The following IL2RB variants were observed in gnomAD, a reference collection of about 807,000 sequenced individuals.
IL2RB encodes the protein interleukin-2 receptor subunit beta.
IL2RB carries 17 observed loss-of-function variants against 44.2 expected under a neutral mutation model. That is an observed-to-expected ratio of 0.38 (90% CI 0.26 to 0.58). The LOEUF is 0.58. IL2RB is among the 20% of genes least tolerant of loss of function. The pLI is 0.63. For missense variants in IL2RB, 624 were observed against 685.5 expected (o/e 0.91, Z 1.00); for synonymous variants, 286 against 297.9 (o/e 0.96, Z 0.41).
chr22:37,144,086 A>G lies in IL2RB; in HGVS notation c.87T>C (p.Asn29=). ...CTGTTCAGATGTCAGGGTCCTCACCATTCACCGCTGCAGATGCCCAAGAGG... is the reference window on the plus strand; with the variant it reads ...CTGTTCAGATGTCAGGGTCCTCACCGTTCACCGCTGCAGATGCCCAAGAGG... The part of the protein sequence containing the change: ...LATSWASAAV[N]GTSQFTCFYN... The change falls in exon 2 of 10, where the codon AAT becomes AAC. Residue 29 remains asparagine (N), a splice_region_variant and synonymous_variant. Coordinates refer to ENST00000216223, the MANE Select transcript of IL2RB (RefSeq NM_000878.5). 6.4e-7 allele frequency: 1 copy of G among 1,552,098 alleles called. No homozygotes were observed. Among genetic ancestry groups the G allele is most frequent in the Non-Finnish European group, 8.7e-7 (1 of 1,147,130 alleles).
At chr22:37,154,365 G>A (rs1442086003), upstream of IL2RB, among the ~76,000 whole-genome samples, 1 of 152,160 alleles carries the variant, frequency 6.6e-6, no homozygotes, top group African/African-American at 2.4e-5. Context: ...GGGAAACCTG[G>A]TGGAATGGGT....
chr22:37,169,068 G>A (rs1172970234), intron 1 of IL2RB, among the ~76,000 whole-genome samples: 2 of 152,148 alleles, frequency 1.3e-5, no homozygotes, highest in Admixed American at 6.5e-5. Context: ...TGTTTTCAGA[G>A]GGGTTCTTGC....
chr22:37,157,286 C>T (rs1373741949), intron 1 of IL2RB, among the ~76,000 whole-genome samples: 1 of 152,214 alleles, frequency 6.6e-6, no homozygotes, highest in Non-Finnish European at 1.5e-5. Context: ...GTCCCCAAGA[C>T]AGACTGTGGC....
intron 1 of IL2RB, among the ~76,000 whole-genome samples, chr22:37,167,532 C>T (rs1923126990): frequency 6.6e-6 from 1 of 152,250 alleles, no homozygotes. Context: ...GCCCCACTGC[C>T]CCTGGCTGTC....
At chr22:37,168,392 T>C (rs1397865033) in intron 1 of IL2RB, among the ~76,000 whole-genome samples, 1 of 151,992 alleles carries the variant, frequency 6.6e-6, no homozygotes, top group Non-Finnish European at 1.5e-5. Flanking sequence ...GCTGGAGCCA[T>C]AGGGGAGGCT....
rs556028542 is a variant in IL2RB at position 37,136,410 on chromosome 22, A to G, written c.538-17T>C. ...GGGGGCCTCCTGGGTCGGAGACAGG[A>G]CTGTCAGCGCCCACCTCACCTCCCA... On this transcript the variant is annotated splice_polypyrimidine_tract_variant and intron_variant, in intron 6 of 9. Transcript: ENST00000216223. The G allele has an allele frequency of 3.8e-6, 6 of 1,598,002 alleles. No individual in the cohort carries two copies. The highest frequency in any genetic ancestry group is 1.9e-4 in the Middle Eastern group (1 of 5,332).
intron 8 of IL2RB, among the ~76,000 whole-genome samples, chr22:37,133,862 C>T (rs3218359): frequency 4.3e-4 from 65 of 152,352 alleles, no homozygotes; most frequent in Non-Finnish European, 8.5e-4. Flanking sequence ...CCCCTGCACT[C>T]TGTTCCTGGA....
chr22:37,144,329 C>G, intron 1 of IL2RB, 124 bp from the exon 2 acceptor site: 1 of 1,259,126 alleles, frequency 7.9e-7, no homozygotes, highest in South Asian at 1.6e-5. Context: ...CCAGCTCAGT[C>G]CAGCCCCAGG....
At chr22:37,137,011 T>C (rs1921741286) in intron 6 of IL2RB, among the ~76,000 whole-genome samples, 1 of 152,186 alleles carries the variant, frequency 6.6e-6, no homozygotes, top group Non-Finnish European at 1.5e-5. Flanking sequence ...GTTTTCTTGA[T>C]GGAACTTATC....
rs908312992 is a variant in IL2RB at position 37,128,998 on chromosome 22, C to A, written c.904-150G>T. The A allele has an allele frequency of 1.6e-5, 15 of 961,116 alleles. No homozygotes were observed. The highest frequency in any genetic ancestry group is 1.9e-5 in the Non-Finnish European group (13 of 668,024). The allele number at this position is 961,116 out of a possible 1,614,324, so 59.5% of individuals were successfully genotyped here. A position where few individuals can be genotyped will look rare whatever the true frequency, so the allele number is the denominator to read the frequency against. On this transcript the variant is annotated intron_variant, in intron 9 of 9. Transcript: ENST00000216223. The surrounding 1 kb of genome is among the most constrained non-coding windows in gnomAD (Gnocchi z 4.5). Reference sequence around the variant, plus strand: ...CCAGGAAGCTCTCCCTGATTATAGCCCCGCACTCCCCCAACCCACCCACTG... The same window carrying A: ...CCAGGAAGCTCTCCCTGATTATAGCACCGCACTCCCCCAACCCACCCACTG...
At chr22:37,154,225 G>A (rs973897475), upstream of IL2RB, among the ~76,000 whole-genome samples, 5 of 152,204 alleles carry the variant, frequency 3.3e-5, no homozygotes, top group African/African-American at 4.8e-5. Flanking sequence ...GGATGGAGCC[G>A]GTTTGTTCTT....
intron 1 of IL2RB, among the ~76,000 whole-genome samples, chr22:37,149,241 G>A (rs1330697934): frequency 1.3e-5 from 2 of 152,202 alleles, no homozygotes; most frequent in African/African-American, 2.4e-5. Context: ...ATGCAGCCAA[G>A]GGAGGGACAA....
intron 9 of IL2RB, among the ~76,000 whole-genome samples, chr22:37,130,181 C>G (rs1192204655): frequency 1.3e-5 from 2 of 152,254 alleles, no homozygotes; most frequent in African/African-American, 4.8e-5. Context: ...AAGAGGGTCG[C>G]TGGCTGGGCA....
chr22:37,145,666 G>C (rs937810622), intron 1 of IL2RB, among the ~76,000 whole-genome samples: 1 of 152,040 alleles, frequency 6.6e-6, no homozygotes, highest in Non-Finnish European at 1.5e-5. Flanking sequence ...GGGGAGGCAG[G>C]GAGATGAGGA....
rs3218260 is a variant in IL2RB at position 37,147,316 on chromosome 22, T to C, written c.-34+2509A>G. Among the ~76,000 whole-genome samples, 683 of 152,334 alleles carry C rather than the reference T, an allele frequency of 4.5e-3. 5 individuals are homozygous for C. Among genetic ancestry groups the C allele is most frequent in the African/African-American group, 0.015 (643 of 41,578 alleles). ...TCATGCAGTGGATAAGAGGCCTTTC[T>C]GGAATCTGAGTCAGGGCAGACTGCC... is the stretch of plus-strand genomic sequence containing the variant. On this transcript the variant is annotated intron_variant, in intron 1 of 9. Transcript: ENST00000216223.
chr22:37,128,900 A>G lies in IL2RB; in HGVS notation c.904-52T>C, dbSNP rs1328086373. ...TGAGTGGGGGCTTCCTTCACCCTCC[A>G]CCCCTTCCTCTGGACTCTCAACAGC... On this transcript the variant is annotated intron_variant, in intron 9 of 9. Transcript: ENST00000216223. This position sits in a 1 kb window ranked among gnomAD's most constrained non-coding sequence, Gnocchi z 4.5. 5.2e-6 allele frequency: 8 copies of G among 1,543,834 alleles called. No homozygotes were observed. The highest frequency in any genetic ancestry group is 2.7e-5 in the African/African-American group (2 of 73,422).
intron 1 of IL2RB, among the ~76,000 whole-genome samples, chr22:37,158,860 G>A (rs1305206629): frequency 1.3e-5 from 2 of 152,144 alleles, no homozygotes; most frequent in Non-Finnish European, 2.9e-5. Context: ...GAGTCACCAG[G>A]CCCGTGGAAC....
chr22:37,144,672 A>G (rs1378078247), intron 1 of IL2RB, among the ~76,000 whole-genome samples: 2 of 152,156 alleles, frequency 1.3e-5, no homozygotes, highest in South Asian at 2.1e-4. Flanking sequence ...TTGAACCTGG[A>G]GGCGGAGTTT....
At chr22:37,136,119 G>T in intron 7 of IL2RB, 109 bp downstream of exon 7, 1 of 1,186,886 alleles carries the variant, frequency 8.4e-7, no homozygotes, top group Non-Finnish European at 1.2e-6. Context: ...AGTGAGGGAT[G>T]GAGCTGACTG....
Sources: allele counts gnomAD v4.1 joint callset (sites outside exome capture counted in the v4.1 genomes callset), GRCh38; gene constraint gnomAD v4.1.1; non-coding constraint Gnocchi (gnomAD v3.1); transcripts MANE v1.5; gene names NCBI Gene and HGNC (gene_info 2026-07-23, HGNC 2026-07-21).